Variants in MYO1D observed in about 807,000 individuals in gnomAD.
The protein encoded by MYO1D is myosin ID, also known as unconventional myosin-Id.
Under a neutral mutation model 122.0 loss-of-function variants are expected in MYO1D, and 83 were observed. The ratio of observed to expected loss-of-function variants is 0.68; its 90% confidence interval spans 0.57 to 0.82. MYO1D has a LOEUF of 0.82. Ranked by LOEUF, MYO1D falls within the 40% of genes least tolerant of loss-of-function variation. MYO1D has a pLI of 0.00. For synonymous variants in MYO1D, 464 were observed against 446.9 expected (o/e 1.04, Z -0.48); for missense variants, 1,157 against 1,269.5 (o/e 0.91, Z 1.35).
chr17:32,659,071 T>C, intron 17 of MYO1D, 44 bp downstream of exon 17: 4 of 1,545,532 alleles, frequency 2.6e-6, no homozygotes, highest in Non-Finnish European at 2.7e-6. Context: ...TAGTATTAAC[T>C]GTGCCACCAT....
intron 4 of MYO1D, among the ~76,000 whole-genome samples, chr17:32,775,347 G>A (rs577394615): frequency 7.8e-4 from 118 of 152,154 alleles, no homozygotes; most frequent in African/African-American, 2.6e-3. Context: ...GTGGTCCCAA[G>A]AAGAAAATTC....
intron 20 of MYO1D, among the ~76,000 whole-genome samples, chr17:32,627,424 T>C (rs970115413): frequency 1.3e-5 from 2 of 152,062 alleles, no homozygotes; most frequent in African/African-American, 4.8e-5. Context: ...GGCGGGCGGA[T>C]GGATTTCAGC....
At chr17:32,669,737 A>G (rs578012406) in intron 16 of MYO1D, among the ~76,000 whole-genome samples, 1 of 152,344 alleles carries the variant, frequency 6.6e-6, no homozygotes, top group African/African-American at 2.4e-5. Context: ...AATAAGATAA[A>G]GAGTAATTAT....
chr17:32,586,573 C>A (rs1311304316), intron 21 of MYO1D, among the ~76,000 whole-genome samples: 1 of 152,126 alleles, frequency 6.6e-6, no homozygotes, highest in Admixed American at 6.5e-5. Flanking sequence ...TCATTCAAGT[C>A]ATTGTTTAAG....
At chr17:32,742,573 T>C (rs2089784723) in intron 13 of MYO1D, among the ~76,000 whole-genome samples, 1 of 152,196 alleles carries the variant, frequency 6.6e-6, no homozygotes. Context: ...TAAGGCTGTT[T>C]TTTCTAAGTT....
At chr17:32,496,591 C>T (rs919905604) in intron 21 of MYO1D, among the ~76,000 whole-genome samples, 1 of 152,202 alleles carries the variant, frequency 6.6e-6, no homozygotes, top group Non-Finnish European at 1.5e-5. Context: ...CCCCTGCAGC[C>T]CTCGTGCTGG....
At chr17:32,538,479 T>C (rs1849508710) in intron 21 of MYO1D, among the ~76,000 whole-genome samples, 1 of 151,054 alleles carries the variant, frequency 6.6e-6, no homozygotes. Context: ...ATTTTTTTTT[T>C]TGTAGAGATG....
At chr17:32,687,390 G>C (rs1310300762) in intron 16 of MYO1D, among the ~76,000 whole-genome samples, 1 of 152,068 alleles carries the variant, frequency 6.6e-6, no homozygotes, top group Non-Finnish European at 1.5e-5. Context: ...GTGGAGACAG[G>C]GTTTCACCAT....
intron 16 of MYO1D, among the ~76,000 whole-genome samples, chr17:32,699,512 T>C (rs1307044799): frequency 6.6e-6 from 1 of 152,126 alleles, no homozygotes; most frequent in African/African-American, 2.4e-5. Flanking sequence ...TCCCTAACCA[T>C]CTGTGAAAAG....
chr17:32,595,030 G>A (rs1406662573), intron 21 of MYO1D, among the ~76,000 whole-genome samples: 1 of 152,150 alleles, frequency 6.6e-6, no homozygotes, highest in Non-Finnish European at 1.5e-5. Context: ...TTTAGTTGCT[G>A]ATTTAATATC....
intron 20 of MYO1D, among the ~76,000 whole-genome samples, chr17:32,627,088 T>A (rs2087938493): frequency 6.6e-6 from 1 of 152,172 alleles, no homozygotes. Flanking sequence ...ACTATAAACA[T>A]TGTGCAAGAT....
chr17:32,773,514 C>T (rs889759293), intron 4 of MYO1D, among the ~76,000 whole-genome samples: 4 of 150,830 alleles, frequency 2.7e-5, no homozygotes, highest in African/African-American at 9.8e-5. Context: ...CAAGTACCAA[C>T]CCCACCCCAC....
intron 1 of MYO1D, among the ~76,000 whole-genome samples, chr17:32,872,563 C>G (rs978097615): frequency 6.6e-6 from 1 of 151,588 alleles, no homozygotes; most frequent in Non-Finnish European, 1.5e-5. Context: ...CGTGAGCCAC[C>G]GCGCCCGGCC....
intron 21 of MYO1D, among the ~76,000 whole-genome samples, chr17:32,561,735 T>C (rs1184458256): frequency 6.8e-6 from 1 of 147,706 alleles, no homozygotes; most frequent in Admixed American, 6.7e-5. Context: ...CAAAAAGCTA[T>C]AAAGAAATCA....
intron 21 of MYO1D, among the ~76,000 whole-genome samples, chr17:32,532,363 CAG>C (rs756452368): frequency 6.6e-6 from 1 of 152,202 alleles, no homozygotes; most frequent in Non-Finnish European, 1.5e-5. Flanking sequence ...GCAGAATAAA[CAG>C]TGTAGTGTCA....
rs568365288 is a variant in MYO1D, at chr17:32,697,629, A to G, written c.2121+14359T>C. 4.1e-5 allele frequency among the ~76,000 whole-genome samples: 6 copies of G among 147,838 alleles called. No homozygotes were observed. In the South Asian group the frequency reaches 1.3e-3, roughly 32 times the overall value. ...AAACAAAAATCTCTTCTCCTGGAGC[A>G]TGTATTTTCAGTTAAAAAAAAAAAA... On this transcript the variant is annotated intron_variant, in intron 16 of 21. Coordinates refer to ENST00000318217, the MANE Select transcript of MYO1D (RefSeq NM_015194.3).
At chr17:32,801,901 T>A (rs1273333137) in intron 1 of MYO1D, among the ~76,000 whole-genome samples, 1 of 152,228 alleles carries the variant, frequency 6.6e-6, no homozygotes, top group Admixed American at 6.5e-5. Flanking sequence ...AAGGAAGTTC[T>A]CACAGAATGA....
intron 21 of MYO1D, among the ~76,000 whole-genome samples, chr17:32,585,603 G>A (rs529024402): frequency 2.0e-4 from 31 of 151,986 alleles, no homozygotes; most frequent in Admixed American, 7.2e-4. Flanking sequence ...GGTAGCGGGC[G>A]CCTGTAATCC....
intron 21 of MYO1D, among the ~76,000 whole-genome samples, chr17:32,565,801 T>C (rs575950855): frequency 6.6e-6 from 1 of 152,080 alleles, no homozygotes; most frequent in Non-Finnish European, 1.5e-5. Flanking sequence ...CTTGCCTCAC[T>C]GCAACCCCTC....
Sources: allele counts gnomAD v4.1 joint callset (sites outside exome capture counted in the v4.1 genomes callset), GRCh38; gene constraint gnomAD v4.1.1; transcripts MANE v1.5; gene names NCBI Gene and HGNC (gene_info 2026-07-23, HGNC 2026-07-21).